The following GALNT13 variants were observed in gnomAD, a reference collection of about 807,000 sequenced individuals.
GALNT13 encodes polypeptide N-acetylgalactosaminyltransferase 13.
In GALNT13, 28 loss-of-function variants were observed where a neutral mutation model predicts 64.2. The observed-to-expected ratio is 0.44, with a 90% CI of 0.32 to 0.60. GALNT13 has a LOEUF of 0.60. Among genes scored for constraint, GALNT13 ranks in the 20% least tolerant of loss-of-function variants. GALNT13 has a pLI of 0.05. For missense variants in GALNT13, 577 were observed against 669.8 expected (o/e 0.86, Z 1.53); for synonymous variants, 214 against 224.6 (o/e 0.95, Z 0.42).
chr2:153,781,850 G>T, the GALNT13 span, among the ~76,000 whole-genome samples: 3 of 152,236 alleles, frequency 2.0e-5, no homozygotes, highest in South Asian at 6.2e-4. Flanking sequence ...CCAATTAATA[G>T]AATATGGAAA....
At chr2:154,200,639 AG>A (rs1687123027) in intron 4 of GALNT13, among the ~76,000 whole-genome samples, 1 of 152,184 alleles carries the variant, frequency 6.6e-6, no homozygotes, top group Admixed American at 6.6e-5. Context: ...CTCACATGGC[AG>A]AAGGTAGAAG....
the GALNT13 span, among the ~76,000 whole-genome samples, chr2:153,406,587 T>C: frequency 6.6e-5 from 10 of 152,032 alleles, no homozygotes; most frequent in African/African-American, 2.4e-4. Flanking sequence ...TTTGTACTTT[T>C]GATAGAAAGG....
At chr2:153,754,920 C>T in the GALNT13 span, among the ~76,000 whole-genome samples, 1 of 152,154 alleles carries the variant, frequency 6.6e-6, no homozygotes, top group Non-Finnish European at 1.5e-5. Context: ...AATGCTCCCT[C>T]CATGGGTGGA....
chr2:154,106,037 C>T (rs2105475186), intron 3 of GALNT13, among the ~76,000 whole-genome samples: 1 of 152,240 alleles, frequency 6.6e-6, no homozygotes, highest in East Asian at 1.9e-4. Flanking sequence ...CTCTCATTCT[C>T]CCCTTTCAGT....
the GALNT13 span, among the ~76,000 whole-genome samples, chr2:153,835,739 C>G: frequency 6.6e-6 from 1 of 152,008 alleles, no homozygotes; most frequent in South Asian, 2.1e-4. Context: ...AGTGCTATCA[C>G]TTCCTGTCAT....
chr2:154,449,566 G>A (rs1056334052), intron 12 of GALNT13, among the ~76,000 whole-genome samples: 2 of 151,376 alleles, frequency 1.3e-5, no homozygotes, highest in African/African-American at 4.9e-5. Context: ...TCTGGTTGGA[G>A]AGGTTTTCAT....
At chr2:153,963,727 CTCTCTGTGTGTGTGTGTGTG>C (rs1191637330) in intron 3 of GALNT13, among the ~76,000 whole-genome samples, 37 of 96,746 alleles carry the variant, frequency 3.8e-4, no homozygotes, top group Admixed American at 9.4e-4. Flanking sequence ...CTCTCTCTCT[CTCTCTGTGTGTGTGTGTGTG>C]TGTGTGTGTG....
chr2:153,185,413 A>G, the GALNT13 span, among the ~76,000 whole-genome samples: 18 of 151,804 alleles, frequency 1.2e-4, no homozygotes, highest in African/African-American at 4.4e-4. Context: ...CCAGCTCCTG[A>G]GTTTGTGGAT....
chr2:153,625,858 C>G, the GALNT13 span, among the ~76,000 whole-genome samples: 1 of 151,912 alleles, frequency 6.6e-6, no homozygotes, highest in Admixed American at 6.6e-5. Flanking sequence ...TCAGCCATTG[C>G]CGACCTACAG....
chr2:154,311,901 C>T (rs1198118901), intron 9 of GALNT13, among the ~76,000 whole-genome samples: 1 of 152,220 alleles, frequency 6.6e-6, no homozygotes, highest in Non-Finnish European at 1.5e-5. Flanking sequence ...GCCGGGCTCA[C>T]CAGGCGGTCA....
At chr2:153,413,927 T>C in the GALNT13 span, among the ~76,000 whole-genome samples, 4 of 152,160 alleles carry the variant, frequency 2.6e-5, no homozygotes, top group Admixed American at 2.6e-4. Context: ...AACTTTATTA[T>C]ATATGTGGAA....
chr2:153,676,600 C>T, the GALNT13 span, among the ~76,000 whole-genome samples: 2 of 151,962 alleles, frequency 1.3e-5, no homozygotes. Flanking sequence ...AACATAGAGG[C>T]AAAAATCCTC....
At chr2:153,911,508 G>T (rs1195638124) in intron 2 of GALNT13, among the ~76,000 whole-genome samples, 1 of 152,094 alleles carries the variant, frequency 6.6e-6, no homozygotes, top group Non-Finnish European at 1.5e-5. Context: ...AGTGCCACTT[G>T]TCTGTGTACT....
the GALNT13 span, among the ~76,000 whole-genome samples, chr2:153,439,467 C>T: frequency 6.6e-6 from 1 of 152,150 alleles, no homozygotes; most frequent in South Asian, 2.1e-4. Flanking sequence ...TGGGCTCCAC[C>T]CAGTTCGAGC....
chr2:153,793,502 C>T, the GALNT13 span, among the ~76,000 whole-genome samples: 2 of 152,076 alleles, frequency 1.3e-5, no homozygotes, highest in Admixed American at 6.6e-5. Flanking sequence ...CAACCCACAG[C>T]TCCTCAAATG....
At chr2:153,636,884 G>T in the GALNT13 span, among the ~76,000 whole-genome samples, 1 of 152,088 alleles carries the variant, frequency 6.6e-6, no homozygotes, top group African/African-American at 2.4e-5. Context: ...AGAGGATAAG[G>T]TTAGAAGGTG....
the GALNT13 span, among the ~76,000 whole-genome samples, chr2:153,447,112 T>C: frequency 6.6e-6 from 1 of 152,202 alleles, no homozygotes; most frequent in Non-Finnish European, 1.5e-5. Context: ...TAAATAAGTC[T>C]TGTCGCCCTA....
chr2:153,804,162 T>TTTG, the GALNT13 span, among the ~76,000 whole-genome samples: 5 of 151,984 alleles, frequency 3.3e-5, no homozygotes, highest in East Asian at 1.9e-4. Context: ...AAGTAAGGTT[T>TTTG]TTGTTGTTGT....
chr2:153,132,691 G>C, the GALNT13 span, among the ~76,000 whole-genome samples: 3 of 152,112 alleles, frequency 2.0e-5, no homozygotes, highest in African/African-American at 7.2e-5. Context: ...TTCTCACAAT[G>C]TTATATTTTA....
Sources: gnomAD v4.1 joint callset for allele counts (sites outside exome capture counted in the v4.1 genomes callset) on GRCh38, gnomAD v4.1.1 for gene constraint, MANE v1.5 for transcripts, NCBI Gene and HGNC (gene_info 2026-07-23, HGNC 2026-07-21) for gene names.